Variants in TBCK observed in about 807,000 individuals in gnomAD.
The protein encoded by TBCK is TBC domain-containing protein kinase-like protein.
In TBCK, 99 loss-of-function variants were observed where a neutral mutation model predicts 113.4. The ratio of observed to expected loss-of-function variants is 0.87; its 90% CI spans 0.74 to 1.03. The LOEUF (loss-of-function observed/expected upper bound fraction) is 1.03. Ranked by LOEUF, TBCK falls within the 50% of genes least tolerant of loss-of-function variation. The pLI, the probability that TBCK is intolerant of heterozygous loss-of-function variation, is 0.00. For synonymous variants in TBCK, 369 were observed against 370.8 expected, an observed-to-expected ratio of 1.00 and a Z score of 0.05; for missense variants, 1,045 against 1,061.3, an observed-to-expected ratio of 0.98 and a Z score of 0.21.
At chr4:106,067,455 G>T (rs893309256) in intron 25 of TBCK, among the ~76,000 whole-genome samples, 1 of 152,020 alleles carries the variant, frequency 6.6e-6, no homozygotes, top group African/African-American at 2.4e-5. Flanking sequence ...CATTTTATGG[G>T]TTGTCTTTTC....
chr4:106,143,301 A>G (rs1747351769), intron 23 of TBCK, among the ~76,000 whole-genome samples: 1 of 152,176 alleles, frequency 6.6e-6, no homozygotes, highest in Non-Finnish European at 1.5e-5. Flanking sequence ...GCACTGCTCA[A>G]TTCAGAAGAC....
chr4:106,187,542 G>T (rs1453964338), intron 22 of TBCK, among the ~76,000 whole-genome samples: 1 of 151,910 alleles, frequency 6.6e-6, no homozygotes, highest in Non-Finnish European at 1.5e-5. Flanking sequence ...TCAGCCTCCT[G>T]AGTAGCCAGA....
At chr4:106,134,792 C>T (rs1746368250) in intron 23 of TBCK, among the ~76,000 whole-genome samples, 1 of 152,144 alleles carries the variant, frequency 6.6e-6, no homozygotes, top group African/African-American at 2.4e-5. Flanking sequence ...CCTTGTACCT[C>T]TCTGAGCAGG....
chr4:106,271,786 T>C (rs1290759702), intron 3 of TBCK, among the ~76,000 whole-genome samples: 3 of 151,544 alleles, frequency 2.0e-5, no homozygotes, highest in Admixed American at 2.0e-4. Flanking sequence ...AAAACAACTG[T>C]TCTTAAGTTG....
At chr4:106,128,776 T>G (rs937573053) in intron 23 of TBCK, among the ~76,000 whole-genome samples, 3 of 152,184 alleles carry the variant, frequency 2.0e-5, no homozygotes, top group Non-Finnish European at 4.4e-5. Flanking sequence ...AACTTAAATT[T>G]TGAAGTTTAT....
intron 23 of TBCK, among the ~76,000 whole-genome samples, chr4:106,165,582 G>C (rs17273093): frequency 0.14 from 21,416 of 151,632 alleles, 1,700 homozygotes; most frequent in South Asian, 0.25. Flanking sequence ...AGATTATTTA[G>C]ATATAGAAGA....
intron 25 of TBCK, among the ~76,000 whole-genome samples, chr4:106,068,138 TTC>T (rs1485793894): frequency 6.6e-6 from 1 of 152,080 alleles, no homozygotes; most frequent in Non-Finnish European, 1.5e-5. Context: ...GATATTCAAT[TTC>T]TTTTTATTTT....
intron 5 of TBCK, among the ~76,000 whole-genome samples, chr4:106,257,768 C>G (rs1762143692): frequency 6.6e-6 from 1 of 151,978 alleles, no homozygotes; most frequent in Non-Finnish European, 1.5e-5. Context: ...ACCACATATT[C>G]TATATGTGAT....
At chr4:106,276,913 T>C (rs989491103) in intron 3 of TBCK, among the ~76,000 whole-genome samples, 1 of 151,438 alleles carries the variant, frequency 6.6e-6, no homozygotes, top group African/African-American at 2.4e-5. Flanking sequence ...TAAAATAAAA[T>C]GGCAAGCCAA....
At chr4:106,246,069 T>C (rs1760780440) in intron 10 of TBCK, among the ~76,000 whole-genome samples, 1 of 152,204 alleles carries the variant, frequency 6.6e-6, no homozygotes, top group Non-Finnish European at 1.5e-5. Context: ...AAATTGTTCC[T>C]TCCCTCATAT....
chr4:106,044,454 A>G lies in TBCK; in HGVS notation c.*2116T>C, dbSNP rs1255319605. ...CCTTGTAAACTAGGTAAGGATCACA[A>G]ATGATATAACTATGGATTATATTAG... On this transcript the variant is annotated 3_prime_UTR_variant, in exon 26 of 26. Coordinates refer to ENST00000394708, the MANE Select transcript of TBCK (RefSeq NM_001163435.3). The G allele has an allele frequency of 1.3e-5, 2 of 150,982 alleles. No individual in the cohort carries two copies. The highest frequency in any genetic ancestry group is 2.5e-5 in the African/African-American group (1 of 40,278). 9.4% of individuals were successfully genotyped at this position (150,982 alleles called of 1,614,324 possible).
chr4:106,289,595 C>T (rs899593368), intron 3 of TBCK, among the ~76,000 whole-genome samples: 4 of 151,434 alleles, frequency 2.6e-5, no homozygotes, highest in African/African-American at 9.7e-5. Flanking sequence ...ATGGTGAAAC[C>T]CCATCTCTAC....
chr4:106,265,715 G>A (rs1005325443), intron 3 of TBCK, among the ~76,000 whole-genome samples: 5 of 151,680 alleles, frequency 3.3e-5, no homozygotes, highest in African/African-American at 1.2e-4. Context: ...TTTAATTCTG[G>A]GAAAAGAGTA....
chr4:106,074,640 A>G (rs2149482692), intron 25 of TBCK, among the ~76,000 whole-genome samples: 1 of 152,368 alleles, frequency 6.6e-6, no homozygotes, highest in East Asian at 1.9e-4. Flanking sequence ...TATCCAAATA[A>G]CAGTCCAGGT....
chr4:106,190,979 T>A (rs1301177221), intron 22 of TBCK, among the ~76,000 whole-genome samples: 2 of 152,186 alleles, frequency 1.3e-5, no homozygotes, highest in East Asian at 3.9e-4. Flanking sequence ...TTTAAGTACA[T>A]ACAAAATTTT....
At chr4:106,218,066 A>G (rs1757189701) in intron 19 of TBCK, among the ~76,000 whole-genome samples, 2 of 146,024 alleles carry the variant, frequency 1.4e-5, no homozygotes, top group Admixed American at 6.7e-5. Context: ...ATAACGCCGC[A>G]TATCTACAAC....
chr4:106,154,737 C>T (rs1481508436), intron 23 of TBCK, among the ~76,000 whole-genome samples: 2 of 152,128 alleles, frequency 1.3e-5, no homozygotes, highest in East Asian at 1.9e-4. Context: ...TGCCTTGCTT[C>T]CTGTACAGTG....
chr4:106,250,485 AAAATG>A lies in TBCK; in HGVS notation c.598-12_598-8del, dbSNP rs776923947. The A allele has an allele frequency of 6.9e-6, 7 of 1,016,812 alleles. No homozygotes were observed. The highest frequency in any genetic ancestry group is 3.0e-5 in the African/African-American group (2 of 66,516). 63.0% of individuals were successfully genotyped at this position (1,016,812 alleles called of 1,614,324 possible). ...TCTGAAATAATTTTCTTCCCTAAAT[AAAATG>A]AGAAAAGAAATTTCTATTAATATTT... On this transcript the variant is annotated splice_polypyrimidine_tract_variant and splice_region_variant and intron_variant, in intron 6 of 25. Coordinates refer to ENST00000394708, the MANE Select transcript of TBCK (RefSeq NM_001163435.3).
intron 22 of TBCK, among the ~76,000 whole-genome samples, chr4:106,177,770 A>G (rs1310808521): frequency 2.0e-5 from 3 of 151,872 alleles, no homozygotes; most frequent in African/African-American, 4.8e-5. Context: ...TGAGGCCTCT[A>G]GTTTTCTTCC....
Sources: allele counts gnomAD v4.1 joint callset (sites outside exome capture counted in the v4.1 genomes callset), GRCh38; gene constraint gnomAD v4.1.1; transcripts MANE v1.5; gene names NCBI Gene and HGNC (gene_info 2026-07-23, HGNC 2026-07-21).